Variants in NRIP1 observed in about 807,000 individuals in gnomAD.
NRIP1 encodes nuclear receptor interacting protein 1.
A neutral mutation model predicts 75.0 loss-of-function variants in NRIP1; 28 were observed. The observed-to-expected ratio is 0.37, with a 90% CI of 0.28 to 0.51. The LOEUF is 0.51. NRIP1 is among the 20% of genes least tolerant of loss of function. The probability of loss-of-function intolerance (pLI) is 0.92; values close to 1 mark genes in which losing one functional copy is unlikely to be tolerated. For synonymous variants in NRIP1, 526 were observed against 487.6 expected (o/e 1.08, Z -1.04); for missense variants, 1,435 against 1,343.7 (o/e 1.07, Z -1.06).
intron 1 of NRIP1, among the ~76,000 whole-genome samples, chr21:15,052,568 T>C (rs1346002146): frequency 6.6e-6 from 1 of 152,210 alleles, no homozygotes; most frequent in Non-Finnish European, 1.5e-5. Context: ...GATACTTCAC[T>C]GAAGTATTCA....
chr21:15,032,650 A>G (rs1372693085), intron 2 of NRIP1, among the ~76,000 whole-genome samples: 1 of 152,242 alleles, frequency 6.6e-6, no homozygotes, highest in Non-Finnish European at 1.5e-5. Context: ...TAAGGACTTT[A>G]GTCCAGAGAG....
At position 15,012,447 on chromosome 21, in the gene NRIP1, C is replaced by T. The variant is rs376718609; in HGVS notation, c.-335+1897G>A. ...AGTTGTTCACTATACATTATAATGT[C>T]TTTTTTTTTTTTTTTTTTTTTTTTT... On this transcript the variant is annotated intron_variant, in intron 3 of 3. Coordinates refer to ENST00000318948, the MANE Select transcript of NRIP1 (RefSeq NM_003489.4). Among the ~76,000 whole-genome samples, 78 of 79,362 alleles carry T rather than the reference C, an allele frequency of 9.8e-4. No homozygotes were observed. In the East Asian group the frequency reaches 0.015, roughly 15 times the overall value. The allele number at this position is 79,362 out of a possible 152,430, so 52.1% of individuals were successfully genotyped here.
intron 3 of NRIP1, among the ~76,000 whole-genome samples, chr21:15,006,468 C>A (rs534147572): frequency 3.1e-4 from 47 of 152,246 alleles, no homozygotes; most frequent in Middle Eastern, 6.8e-3. Context: ...TCTGGTGGAA[C>A]AAACAGCTGT....
chr21:14,974,059 A>G (rs1420896325), intron 3 of NRIP1, among the ~76,000 whole-genome samples: 2 of 152,124 alleles, frequency 1.3e-5, no homozygotes, highest in Non-Finnish European at 2.9e-5. Flanking sequence ...ATCTGGGTCC[A>G]AAAGACATTT....
rs1307159534 is a variant in NRIP1 at position 14,967,218 on chromosome 21, A to C, written c.975T>G (p.Leu325=). ...YQLPKGMSSH[L]NGQARTSSSK... is the part of the protein sequence containing the mutation. ...TTGATGATGTTCTTGCCTGACCATTAAGATGGCTTGACATTCCTTTTGGGA... is the reference window on the plus strand; with the variant it reads ...TTGATGATGTTCTTGCCTGACCATTCAGATGGCTTGACATTCCTTTTGGGA... Residue 325 remains leucine (L), a synonymous_variant, in exon 4 of 4, where the codon CTT becomes CTG. Transcript: ENST00000318948. 31 of 1,613,892 alleles carry C rather than the reference A, an allele frequency of 1.9e-5. No individual in the cohort carries two copies. The Admixed American group carries it at 5.2e-4, about 27-fold the overall frequency.
At chr21:15,001,364 A>G (rs529718247) in intron 3 of NRIP1, among the ~76,000 whole-genome samples, 3 of 152,318 alleles carry the variant, frequency 2.0e-5, no homozygotes, top group African/African-American at 7.2e-5. Context: ...CCCTTGCAGT[A>G]CAGATTTATA....
intron 3 of NRIP1, among the ~76,000 whole-genome samples, chr21:14,975,691 A>AG (rs1472932894): frequency 6.7e-6 from 1 of 148,352 alleles, no homozygotes; most frequent in Non-Finnish European, 1.5e-5. Context: ...AAGGGAGGGG[A>AG]GGGGAGGAAT....
At chr21:14,996,942 A>T (rs544628331) in intron 3 of NRIP1, among the ~76,000 whole-genome samples, 1 of 152,060 alleles carries the variant, frequency 6.6e-6, no homozygotes, top group Non-Finnish European at 1.5e-5. Context: ...AGATAAATAA[A>T]TCACTTTATT....
At chr21:14,998,379 A>ATTTTC (rs2087780036) in intron 3 of NRIP1, among the ~76,000 whole-genome samples, 1 of 152,236 alleles carries the variant, frequency 6.6e-6, no homozygotes, top group African/African-American at 2.4e-5. Flanking sequence ...TTTCTTGAAA[A>ATTTTC]GTCAGCATTT....
At chr21:15,040,125 T>C (rs2088921690) in intron 2 of NRIP1, among the ~76,000 whole-genome samples, 1 of 152,116 alleles carries the variant, frequency 6.6e-6, no homozygotes. Context: ...TACTGTGCAC[T>C]TGAAAGATGA....
intron 1 of NRIP1, among the ~76,000 whole-genome samples, chr21:15,045,950 G>T (rs2089064924): frequency 6.6e-6 from 1 of 152,008 alleles, no homozygotes; most frequent in South Asian, 2.1e-4. Context: ...ACATCTTCAG[G>T]CTCCACTTCT....
chr21:14,982,465 T>C (rs1466590139), intron 3 of NRIP1, among the ~76,000 whole-genome samples: 1 of 152,136 alleles, frequency 6.6e-6, no homozygotes, highest in African/African-American at 2.4e-5. Flanking sequence ...TAAGCCCCAT[T>C]TGTTTACAGT....
At chr21:15,044,809 T>C (rs1475531957) in intron 1 of NRIP1, among the ~76,000 whole-genome samples, 1 of 152,188 alleles carries the variant, frequency 6.6e-6, no homozygotes, top group Non-Finnish European at 1.5e-5. Context: ...CCACTATACC[T>C]GTAGGTCACT....
intron 3 of NRIP1, among the ~76,000 whole-genome samples, chr21:15,011,317 G>A (rs1326814114): frequency 6.6e-5 from 10 of 152,218 alleles, no homozygotes; most frequent in Non-Finnish European, 1.2e-4. Flanking sequence ...AGCCTCCCGA[G>A]TAGCTGGGAC....
At chr21:15,033,004 T>C (rs562306314) in intron 2 of NRIP1, among the ~76,000 whole-genome samples, 32 of 152,162 alleles carry the variant, frequency 2.1e-4, no homozygotes, top group African/African-American at 7.0e-4. Context: ...GGTGGGTGGA[T>C]CACGAGGTCA....
intron 3 of NRIP1, among the ~76,000 whole-genome samples, chr21:14,972,433 A>G (rs2086928096): frequency 6.6e-6 from 1 of 152,206 alleles, no homozygotes; most frequent in African/African-American, 2.4e-5. Context: ...CTACCTAATA[A>G]ATAGACGTTT....
intron 1 of NRIP1, among the ~76,000 whole-genome samples, chr21:15,062,171 G>A (rs1377738209): frequency 1.3e-5 from 2 of 152,294 alleles, no homozygotes; most frequent in Middle Eastern, 3.4e-3. Flanking sequence ...AATGTGATAA[G>A]CCACATGGCA....
chr21:15,042,486 T>G (rs2088978203), intron 2 of NRIP1, among the ~76,000 whole-genome samples: 1 of 152,196 alleles, frequency 6.6e-6, no homozygotes, highest in Admixed American at 6.5e-5. Context: ...GAATGTTGTG[T>G]CTCCCCAAAA....
At chr21:15,059,184 T>G (rs958204661) in intron 1 of NRIP1, among the ~76,000 whole-genome samples, 1 of 152,134 alleles carries the variant, frequency 6.6e-6, no homozygotes, top group Admixed American at 6.6e-5. Flanking sequence ...ATGACTCAAA[T>G]TCCCAGCAGA....
Sources: gnomAD v4.1 joint callset for allele counts (sites outside exome capture counted in the v4.1 genomes callset) on GRCh38, gnomAD v4.1.1 for gene constraint, MANE v1.5 for transcripts, NCBI Gene and HGNC (gene_info 2026-07-23, HGNC 2026-07-21) for gene names.